GLCE: variants seen among roughly 807,000 people sequenced by gnomAD.
GLCE encodes glucuronic acid epimerase.
Under a neutral mutation model 47.9 loss-of-function variants are expected in GLCE, and 19 were observed. The observed-to-expected ratio is 0.40, with a 90% confidence interval of 0.28 to 0.58. The LOEUF is 0.58. Among genes scored for constraint, GLCE ranks in the 20% least tolerant of loss-of-function variants. GLCE has a pLI of 0.48. For missense variants in GLCE, 556 were observed against 743.3 expected, an observed-to-expected ratio of 0.75 and a Z score of 2.93; for synonymous variants, 245 against 263.4, an observed-to-expected ratio of 0.93 and a Z score of 0.68.
chr15:69,254,825 T>C (rs1171596860), intron 2 of GLCE, among the ~76,000 whole-genome samples: 1 of 152,034 alleles, frequency 6.6e-6, no homozygotes. Context: ...GCGAGAGAAT[T>C]TGGGGATAGT....
intron 2 of GLCE, among the ~76,000 whole-genome samples, chr15:69,215,278 T>G (rs2052289952): frequency 1.3e-5 from 2 of 152,146 alleles, no homozygotes; most frequent in African/African-American, 2.4e-5. Flanking sequence ...GTTCTATCCC[T>G]TTAGTTATTA....
intron 3 of GLCE, among the ~76,000 whole-genome samples, chr15:69,257,373 T>C (rs1469936468): frequency 6.6e-6 from 1 of 152,182 alleles, no homozygotes; most frequent in African/African-American, 2.4e-5. Flanking sequence ...AATCTCACTC[T>C]GTCACCCAGG....
chr15:69,251,268 T>C (rs2052840633), intron 2 of GLCE, among the ~76,000 whole-genome samples: 1 of 152,220 alleles, frequency 6.6e-6, no homozygotes, highest in Non-Finnish European at 1.5e-5. Flanking sequence ...GATATATTTT[T>C]TATTATGACT....
intron 1 of GLCE, among the ~76,000 whole-genome samples, chr15:69,163,367 A>G (rs1185483264): frequency 6.6e-6 from 1 of 152,198 alleles, no homozygotes; most frequent in East Asian, 1.9e-4. Context: ...CAGAGAGAGG[A>G]AGAAAACAAA....
intron 2 of GLCE, among the ~76,000 whole-genome samples, chr15:69,219,774 T>C (rs532935474): frequency 6.6e-6 from 1 of 152,286 alleles, no homozygotes; most frequent in Admixed American, 6.5e-5. Flanking sequence ...TTTTTAAGTA[T>C]ATAGTTCAGT....
intron 1 of GLCE, among the ~76,000 whole-genome samples, chr15:69,164,844 C>T (rs1442926410): frequency 1.3e-5 from 2 of 151,752 alleles, no homozygotes; most frequent in African/African-American, 4.8e-5. Flanking sequence ...AGTTCCAATC[C>T]CTGGTTCTGT....
At chr15:69,189,875 A>C (rs939592432) in intron 1 of GLCE, among the ~76,000 whole-genome samples, 1 of 151,958 alleles carries the variant, frequency 6.6e-6, no homozygotes, top group Admixed American at 6.6e-5. Context: ...TTATATAGGT[A>C]AACTTGTGTC....
At chr15:69,208,889 GTAT>G (rs987862371) in intron 1 of GLCE, among the ~76,000 whole-genome samples, 2 of 152,016 alleles carry the variant, frequency 1.3e-5, no homozygotes, top group African/African-American at 4.8e-5. Flanking sequence ...ATTTTGAACG[GTAT>G]TATTTTTAAA....
At chr15:69,230,661 A>C (rs1290478550) in intron 2 of GLCE, among the ~76,000 whole-genome samples, 1 of 152,364 alleles carries the variant, frequency 6.6e-6, no homozygotes, top group Non-Finnish European at 1.5e-5. Context: ...GTTAAAGTGC[A>C]CATTCTATTC....
At chr15:69,165,270 G>T (rs1390359576) in intron 1 of GLCE, among the ~76,000 whole-genome samples, 1 of 151,962 alleles carries the variant, frequency 6.6e-6, no homozygotes, top group African/African-American at 2.4e-5. Context: ...TACTTTATCA[G>T]CCCAACTCTC....
chr15:69,202,273 A>C (rs11632483), intron 1 of GLCE, among the ~76,000 whole-genome samples: 131 of 152,262 alleles, frequency 8.6e-4, no homozygotes, highest in Non-Finnish European at 1.5e-3. Flanking sequence ...AATTAAAAAA[A>C]AAAATCAACA....
Position 69,270,099 on chromosome 15 carries a change from G to C in GLCE, c.*855G>C, listed in dbSNP as rs1255088063. 6.6e-6 allele frequency: 1 copy of C among 152,276 alleles called. No individual in the cohort carries two copies. Among genetic ancestry groups the C allele is most frequent in the East Asian group, 1.9e-4 (1 of 5,184 alleles). The allele number at this position is 152,276 out of a possible 1,614,324, so 9.4% of individuals were successfully genotyped here. A position where few individuals can be genotyped will look rare whatever the true frequency, so the allele number is the denominator to read the frequency against. On this transcript the variant is annotated 3_prime_UTR_variant, in exon 5 of 5. Transcript: ENST00000261858. The stretch of plus-strand genomic sequence containing the variant: ...GTATATTTTGAGAGAGATATTTTTG[G>C]GACATTATTTTGGAAACTTATTACA...
At chr15:69,255,735 A>T in intron 2 of GLCE, 59 bp from the exon 3 acceptor site, 10 of 949,836 alleles carry the variant, frequency 1.1e-5, no homozygotes, top group African/African-American at 3.3e-5. Flanking sequence ...AGAAAACTTT[A>T]TCCTATGAAA....
chr15:69,164,259 G>A (rs1566944050), intron 1 of GLCE, among the ~76,000 whole-genome samples: 2 of 151,894 alleles, frequency 1.3e-5, no homozygotes, highest in South Asian at 4.1e-4. Context: ...GAAAATGACA[G>A]TACCAAAGTG....
chr15:69,268,229 A>G lies in GLCE; in HGVS notation c.839A>G (p.Glu280Gly). The G allele has an allele frequency of 6.3e-7, 1 of 1,595,390 alleles. No individual in the cohort carries two copies. The highest frequency in any genetic ancestry group is 8.5e-7 in the Non-Finnish European group (1 of 1,170,182). The change falls in exon 5 of 5, where the codon GAA (glutamate) becomes GGA (glycine). Residue 280 changes from glutamate to glycine, a missense_variant. Physicochemically the swap from Glu to Gly is moderately conservative, Grantham distance 98 (BLOSUM62 -2). Coordinates refer to ENST00000261858, the MANE Select transcript of GLCE (RefSeq NM_015554.3). ...ATATTCTCCCCTACAGAAACCAGTG[A>G]AGGTGTATCCTTGCAACTGGGAAAC... ...VKQFIAPETS[E>G]GVSLQLGNTK...
At chr15:69,216,237 T>C (rs539333105) in intron 2 of GLCE, among the ~76,000 whole-genome samples, 5 of 152,146 alleles carry the variant, frequency 3.3e-5, no homozygotes, top group Non-Finnish European at 7.4e-5. Context: ...GATTGACAAA[T>C]GTTACTCTAG....
In GLCE at chr15:69,211,392, T is replaced by C. The variant is rs188944229; in HGVS notation, c.-14+986T>C. ...GATGATTGTGTGTTTTTAATATCTG[T>C]TCTAGTAGTGCAAATGGTTTAGCAT... On this transcript the variant is annotated intron_variant, in intron 2 of 4. Coordinates refer to ENST00000261858, the MANE Select transcript of GLCE (RefSeq NM_015554.3). Among the ~76,000 whole-genome samples the C allele has an allele frequency of 2.0e-5, 3 of 152,160 alleles. No homozygotes were observed. In the East Asian group the frequency reaches 5.8e-4, roughly 29 times the overall value.
intron 1 of GLCE, among the ~76,000 whole-genome samples, chr15:69,184,185 A>G (rs1009727462): frequency 2.0e-5 from 3 of 152,216 alleles, no homozygotes; most frequent in Non-Finnish European, 4.4e-5. Context: ...CAATATTGAA[A>G]TAGTAGGACA....
intron 2 of GLCE, among the ~76,000 whole-genome samples, chr15:69,255,506 C>A (rs1172115530): frequency 3.3e-5 from 5 of 151,892 alleles, no homozygotes; most frequent in African/African-American, 1.2e-4. Flanking sequence ...TTCTTTTGGC[C>A]TAGGGGGCAT....
Sources: gnomAD v4.1 joint callset for allele counts (sites outside exome capture counted in the v4.1 genomes callset) on GRCh38, gnomAD v4.1.1 for gene constraint, MANE v1.5 for transcripts, NCBI Gene and HGNC (gene_info 2026-07-23, HGNC 2026-07-21) for gene names.